The following SYT1 variants were observed in gnomAD, a reference collection of about 807,000 sequenced individuals.
SYT1 encodes the protein synaptotagmin 1, also known as synaptotagmin-1.
In SYT1, 8 loss-of-function variants were observed where a neutral mutation model predicts 44.8. That is an observed-to-expected ratio of 0.18 (90% CI 0.10 to 0.32). The LOEUF is 0.32. SYT1 is among the 10% of genes least tolerant of loss of function. SYT1 has a pLI of 1.00. For synonymous variants in SYT1, 154 were observed against 188.8 expected, an observed-to-expected ratio of 0.82 and a Z score of 1.51; for missense variants, 286 against 509.3, an observed-to-expected ratio of 0.56 and a Z score of 4.22.
chr12:79,190,574 C>T (rs1873055737), intron 3 of SYT1, among the ~76,000 whole-genome samples: 1 of 152,136 alleles, frequency 6.6e-6, no homozygotes, highest in Non-Finnish European at 1.5e-5. Context: ...CAGTACTCCA[C>T]AGCACCGGCG....
intron 7 of SYT1, among the ~76,000 whole-genome samples, chr12:79,298,377 C>T (rs1879974586): frequency 6.6e-6 from 1 of 151,964 alleles, no homozygotes; most frequent in Non-Finnish European, 1.5e-5. Context: ...AAAAGAAAAA[C>T]TCTTTGGAAA....
At chr12:79,315,781 G>C (rs970710098) in intron 8 of SYT1, among the ~76,000 whole-genome samples, 7 of 152,114 alleles carry the variant, frequency 4.6e-5, no homozygotes, top group African/African-American at 1.7e-4. Context: ...CCAGGCCTAG[G>C]ACATATGCTA....
At chr12:78,974,658 G>T (rs574917105) in intron 1 of SYT1, among the ~76,000 whole-genome samples, 1 of 151,878 alleles carries the variant, frequency 6.6e-6, no homozygotes. Context: ...GGATGGTCTC[G>T]ATCTCCTGAC....
chr12:79,179,209 G>GAT lies in SYT1; in HGVS notation c.-17-38290_-17-38289dup, dbSNP rs1391199808. ...ATATAGATATAGATATATAGATATA[G>GAT]ATATAGATATATAGATATAGATATA... On this transcript the variant is annotated intron_variant, in intron 3 of 10. Coordinates refer to ENST00000261205, the MANE Select transcript of SYT1 (RefSeq NM_005639.3). Among the ~76,000 whole-genome samples, 7 of 51,026 alleles carry GAT rather than the reference G, an allele frequency of 1.4e-4. 1 individual carries two copies. In the East Asian group the frequency reaches 1.5e-3, roughly 11 times the overall value. 33.5% of individuals were successfully genotyped at this position (51,026 alleles called of 152,430 possible).
At chr12:79,250,478 T>G (rs1001739517) in intron 4 of SYT1, among the ~76,000 whole-genome samples, 1 of 152,188 alleles carries the variant, frequency 6.6e-6, no homozygotes, top group Non-Finnish European at 1.5e-5. Flanking sequence ...TATTTCAAAT[T>G]TGAGGGTAAT....
At chr12:78,954,770 T>C (rs1391419790) in intron 1 of SYT1, among the ~76,000 whole-genome samples, 2 of 152,088 alleles carry the variant, frequency 1.3e-5, no homozygotes, top group East Asian at 3.9e-4. Context: ...AAATAATAAA[T>C]GCTAGATCTA....
At position 79,063,083 on chromosome 12, in the gene SYT1, G is replaced by A. The variant is rs189577169; in HGVS notation, c.-18+15721G>A. On this transcript the variant is annotated intron_variant, in intron 3 of 10. Transcript: ENST00000261205. Reference sequence around the variant, plus strand: ...CGGTTTACATAGCAGTTTCACATATGCCACCTCCTTTAACCTCACAAAACT... The same window carrying A: ...CGGTTTACATAGCAGTTTCACATATACCACCTCCTTTAACCTCACAAAACT... Among the ~76,000 whole-genome samples the A allele has an allele frequency of 7.8e-3, 1,186 of 152,220 alleles. 57 individuals are homozygous for A. The highest frequency in any genetic ancestry group is 0.07 in the Admixed American group (1,070 of 15,272).
In SYT1 at chr12:78,872,344, C is replaced by T. The variant is rs1370966230; in HGVS notation, c.-217+7235C>T. 5.9e-5 allele frequency among the ~76,000 whole-genome samples: 9 copies of T among 151,962 alleles called. No individual in the cohort carries two copies. In the East Asian group the frequency reaches 9.7e-4, roughly 16 times the overall value. The stretch of plus-strand genomic sequence containing the variant: ...AATGACAGGAGAGAGCTGACTCCTT[C>T]AGGCAAAAGTGGATGAGACAAGTTC... On this transcript the variant is annotated intron_variant, in intron 1 of 10. Transcript: ENST00000261205.
chr12:79,174,430 G>C (rs1434580274), intron 3 of SYT1, among the ~76,000 whole-genome samples: 1 of 151,984 alleles, frequency 6.6e-6, no homozygotes, highest in Non-Finnish European at 1.5e-5. Context: ...TAGGCTAGAA[G>C]GCATCAGGGA....
chr12:79,136,999 A>T (rs568903435), intron 3 of SYT1, among the ~76,000 whole-genome samples: 1 of 152,156 alleles, frequency 6.6e-6, no homozygotes, highest in Non-Finnish European at 1.5e-5. Flanking sequence ...CCAAAATACT[A>T]TTCCTTTGCT....
chr12:79,149,190 A>G (rs938154553), intron 3 of SYT1, among the ~76,000 whole-genome samples: 10 of 151,988 alleles, frequency 6.6e-5, no homozygotes, highest in Non-Finnish European at 1.5e-4. Context: ...AACATTTTCT[A>G]TTTGACCTTT....
intron 1 of SYT1, among the ~76,000 whole-genome samples, chr12:78,939,450 A>G (rs61929227): frequency 0.059 from 8,955 of 152,262 alleles, 290 homozygotes; most frequent in Admixed American, 0.089. Context: ...AATTAACAGG[A>G]GAAAGGGTAG....
chr12:79,439,382 C>G (rs1402981479), intron 9 of SYT1, among the ~76,000 whole-genome samples: 1 of 152,130 alleles, frequency 6.6e-6, no homozygotes, highest in Non-Finnish European at 1.5e-5. Context: ...GAAATGTTCC[C>G]TTTGTCTTTT....
chr12:79,197,698 G>C (rs544733202), intron 3 of SYT1, among the ~76,000 whole-genome samples: 7 of 152,056 alleles, frequency 4.6e-5, no homozygotes, highest in Admixed American at 1.3e-4. Flanking sequence ...AGTAAATCCT[G>C]ATCAGTTTCA....
rs780826447 is a variant in SYT1 at position 79,217,587 on chromosome 12, C to A, written c.68C>A (p.Pro23Gln). 1.2e-6 allele frequency: 2 copies of A among 1,612,948 alleles called. No homozygotes were observed. The highest frequency in any genetic ancestry group is 8.5e-7 in the Non-Finnish European group (1 of 1,179,482). ...GTCACCACTGTCGCGACTGTTCTGCCAAGCAACGCCACAGAGCCAGCCAGT... is the reference window on the plus strand; with the variant it reads ...GTCACCACTGTCGCGACTGTTCTGCAAAGCAACGCCACAGAGCCAGCCAGT... ...PPVTTVATVL[P>Q]SNATEPASPG... The change falls in exon 4 of 11, where the codon CCA becomes CAA. Residue 23 changes from proline to glutamine, a missense_variant. Around this residue, in one of 6 missense-constraint regions of SYT1, gnomAD observed 141 missense variants for 165.7 expected, o/e 0.85. Coordinates refer to ENST00000261205, the MANE Select transcript of SYT1 (RefSeq NM_005639.3).
chr12:79,438,350 T>C (rs748767851), intron 9 of SYT1, among the ~76,000 whole-genome samples: 23 of 152,010 alleles, frequency 1.5e-4, no homozygotes, highest in African/African-American at 2.2e-4. Flanking sequence ...AAGGACTAGG[T>C]GGAGGTGATA....
At chr12:79,383,676 T>C (rs920915997) in intron 9 of SYT1, among the ~76,000 whole-genome samples, 30 of 152,204 alleles carry the variant, frequency 2.0e-4, no homozygotes, top group African/African-American at 7.2e-4. Flanking sequence ...TTGTTTGTTG[T>C]TGAAACAGCT....
At chr12:79,038,490 T>C (rs1035855610) in intron 2 of SYT1, among the ~76,000 whole-genome samples, 1 of 151,774 alleles carries the variant, frequency 6.6e-6, no homozygotes, top group African/African-American at 2.4e-5. Flanking sequence ...AGTGTCCTTT[T>C]AAAAATAATC....
intron 2 of SYT1, among the ~76,000 whole-genome samples, chr12:78,988,893 A>C (rs1169539535): frequency 1.3e-5 from 2 of 152,138 alleles, no homozygotes; most frequent in Non-Finnish European, 2.9e-5. Context: ...GAACAATAGA[A>C]GTTATTGCAG....
Sources: allele counts gnomAD v4.1 joint callset (sites outside exome capture counted in the v4.1 genomes callset), GRCh38; gene constraint gnomAD v4.1.1; regional missense constraint gnomAD v4.1.1; transcripts MANE v1.5; gene names NCBI Gene and HGNC (gene_info 2026-07-23, HGNC 2026-07-21).